The following OLFM1 variants were observed in gnomAD, a reference collection of about 807,000 sequenced individuals.
OLFM1 encodes the protein olfactomedin 1.
In OLFM1, 9 loss-of-function variants were observed where a neutral mutation model predicts 49.7. The observed-to-expected ratio is 0.18, with a 90% CI of 0.11 to 0.32. The LOEUF (loss-of-function observed/expected upper bound fraction) is 0.32. OLFM1 is among the 10% of genes least tolerant of loss of function. OLFM1 has a pLI of 1.00. For synonymous variants in OLFM1, 240 were observed against 271.8 expected, an observed-to-expected ratio of 0.88 and a Z score of 1.15; for missense variants, 369 against 661.8, an observed-to-expected ratio of 0.56 and a Z score of 4.85.
At chr9:135,104,346 C>G (rs972575385) in intron 4 of OLFM1, among the ~76,000 whole-genome samples, 2 of 152,216 alleles carry the variant, frequency 1.3e-5, no homozygotes, top group African/African-American at 4.8e-5. Context: ...CCAGCACTGA[C>G]TTGCTGCCTC....
chr9:135,108,618 G>C (rs1811566), intron 5 of OLFM1, among the ~76,000 whole-genome samples: 21,140 of 151,380 alleles, frequency 0.14, 1,616 homozygotes, highest in African/African-American at 0.17. Context: ...GGGTGATAGA[G>C]CGAGGCTCTG....
Position 135,120,405 on chromosome 9 carries a change from C to T in OLFM1, c.*227C>T, listed in dbSNP as rs999944826. ...CGTATTTGCAGCTGGAACTGCAGCC[C>T]ACGGCGCCCCGGTTTTCCTCCCCGC... On this transcript the variant is annotated 3_prime_UTR_variant, in exon 6 of 6. Coordinates refer to ENST00000371793, the MANE Select transcript of OLFM1 (RefSeq NM_001282611.2). 6 of 576,576 alleles carry T rather than the reference C, an allele frequency of 1.0e-5. No individual in the cohort carries two copies. Among genetic ancestry groups the T allele is most frequent in the African/African-American group, 9.4e-5 (5 of 53,372 alleles). The allele number at this position is 576,576 out of a possible 1,614,324, so 35.7% of individuals were successfully genotyped here. A position where few individuals can be genotyped will look rare whatever the true frequency, so the allele number is the denominator to read the frequency against.
chr9:135,075,742 C>T, exon 1 of OLFM1: 5 of 1,605,826 alleles, frequency 3.1e-6, no homozygotes, highest in South Asian at 1.1e-5. Context: ...GAGACATGCA[C>T]CCGGCCCGGA....
chr9:135,118,854 GGTCTTTGGAGTGCTCACTGT>G (rs1564282525), intron 5 of OLFM1, among the ~76,000 whole-genome samples: 60 of 121,878 alleles, frequency 4.9e-4, no homozygotes, highest in African/African-American at 1.2e-3. Context: ...GTGCTCACCG[GGTCTTTGGAGTGCTCACTGT>G]GTCTTTGGAG....
intron 5 of OLFM1, among the ~76,000 whole-genome samples, chr9:135,108,981 T>G (rs767380821): frequency 3.0e-4 from 45 of 152,124 alleles, no homozygotes; most frequent in Non-Finnish European, 5.7e-4. Flanking sequence ...CACCCCACTA[T>G]GCAGAGCAGG....
chr9:135,101,400 C>G (rs755735131), intron 4 of OLFM1, among the ~76,000 whole-genome samples: 1 of 152,206 alleles, frequency 6.6e-6, no homozygotes, highest in African/African-American at 2.4e-5. Flanking sequence ...TGATAGTTCT[C>G]TCCTTGCTGC....
At chr9:135,079,321 G>A (rs73560266) in intron 1 of OLFM1, among the ~76,000 whole-genome samples, 5,221 of 152,232 alleles carry the variant, frequency 0.034, 283 homozygotes, top group African/African-American at 0.12. Flanking sequence ...GAGCCCGGGG[G>A]AAAGAAGAAG....
At chr9:135,099,874 G>A (rs1159766227) in intron 4 of OLFM1, among the ~76,000 whole-genome samples, 3 of 152,028 alleles carry the variant, frequency 2.0e-5, no homozygotes, top group African/African-American at 7.2e-5. Context: ...AGGAGTTGGT[G>A]TGAGTGTTTG....
At chr9:135,099,313 C>A (rs1830840178) in intron 4 of OLFM1, among the ~76,000 whole-genome samples, 1 of 152,100 alleles carries the variant, frequency 6.6e-6, no homozygotes, top group Non-Finnish European at 1.5e-5. Context: ...ATACTACCTA[C>A]TTTTTAGGGT....
intron 4 of OLFM1, among the ~76,000 whole-genome samples, chr9:135,102,583 C>A (rs116920251): frequency 6.6e-6 from 1 of 152,164 alleles, no homozygotes; most frequent in Admixed American, 6.5e-5. Context: ...GAGGGTCTGC[C>A]GTGACCCTTT....
At chr9:135,112,866 G>A (rs895040237) in intron 5 of OLFM1, among the ~76,000 whole-genome samples, 93 of 152,196 alleles carry the variant, frequency 6.1e-4, no homozygotes, top group Non-Finnish European at 1.9e-4. Flanking sequence ...GGGATGAGAA[G>A]AGGCCATGGC....
In OLFM1 at chr9:135,098,349, G is replaced by A. The variant is rs1282177088; in HGVS notation, c.520G>A (p.Asp174Asn). The part of the protein sequence containing the change: ...LIPVLEEYKA[D>N]AKLVLQFKEE... The stretch of plus-strand genomic sequence containing the variant: ...ACCTGTGTTGGAAGAGTACAAGGCC[G>A]ATGCCAAATTGGTATTGCAGTTTAA... Residue 174 changes from aspartate (D) to asparagine (N), a missense_variant, in exon 4 of 6, where the codon GAT (aspartate) becomes AAT (asparagine). Asp to Asn is a conservative substitution (Grantham distance 23). Coordinates refer to ENST00000371793, the MANE Select transcript of OLFM1 (RefSeq NM_001282611.2). This position sits in a 1 kb window ranked among gnomAD's most constrained non-coding sequence, Gnocchi z 5.6. 11 of 1,613,918 alleles carry A rather than the reference G, an allele frequency of 6.8e-6. No homozygotes were observed. The highest frequency in any genetic ancestry group is 8.5e-6 in the Non-Finnish European group (10 of 1,180,024).
At position 135,104,681 on chromosome 9, in the gene OLFM1, G is replaced by A. The variant is rs12003784; in HGVS notation, c.677-2068G>A. ...ACACCAGCCTCTGGATGGCAGGGAG[G>A]GCTGGAGAGGGGCTGTGAAGGGCTT... On this transcript the variant is annotated intron_variant, in intron 4 of 5. Transcript: ENST00000371793. Among the ~76,000 whole-genome samples, 480 of 152,314 alleles carry A rather than the reference G, an allele frequency of 3.2e-3. 1 individual carries two copies. Among genetic ancestry groups the A allele is most frequent in the African/African-American group, 0.01 (426 of 41,568 alleles).
chr9:135,117,562 C>T lies in OLFM1; in HGVS notation c.784-1942C>T, dbSNP rs1256451792. Among the ~76,000 whole-genome samples the T allele has an allele frequency of 1.3e-5, 2 of 152,218 alleles. No individual in the cohort carries two copies. The highest frequency in any genetic ancestry group is 3.9e-4 in the East Asian group (2 of 5,192). ...AGCTGCCTGGGGCTGTGAGCATTTG[C>T]CCTCGGCTAGGCCAGGTGGCTGTGC... On this transcript the variant is annotated intron_variant, in intron 5 of 5. Transcript: ENST00000371793. The surrounding 1 kb of genome is among the most constrained non-coding windows in gnomAD (Gnocchi z 5.5).
rs145642936 is a variant in OLFM1, at chr9:135,080,051, G to C, written c.96+4249G>C. 4.5e-4 allele frequency among the ~76,000 whole-genome samples: 68 copies of C among 152,164 alleles called. No homozygotes were observed. Among genetic ancestry groups the C allele is most frequent in the African/African-American group, 1.5e-3 (64 of 41,522 alleles). On this transcript the variant is annotated intron_variant, in intron 1 of 5. Coordinates refer to the OLFM1 transcript ENST00000252854. The surrounding 1 kb of genome is among the most constrained non-coding windows in gnomAD (Gnocchi z 4.5). The stretch of plus-strand genomic sequence containing the variant: ...ACGAGAAGACCAGGGAGGTGATGCT[G>C]ACTTAGGCTTTCAGAGAACCCCAGT...
rs761657727 is a variant in OLFM1 at position 135,090,329 on chromosome 9, G to T, written c.285G>T (p.Arg95Ser). 1 of 1,613,968 alleles carries T rather than the reference G, an allele frequency of 6.2e-7. No individual in the cohort carries two copies. Among genetic ancestry groups the T allele is most frequent in the Admixed American group, 1.7e-5 (1 of 59,986 alleles). The change falls in exon 2 of 6, where the codon AGG becomes AGT. Residue 95 changes from arginine (R) to serine (S), a missense_variant. By Grantham distance (110) the Arg-to-Ser change is moderately radical (BLOSUM62 -1). Coordinates refer to ENST00000371793, the MANE Select transcript of OLFM1 (RefSeq NM_001282611.2). ...GGGATGCCCGCACAAAACAGCTGAG[G>T]CAGCTACTGGAGAAGGTGAGTCTGC... Reference protein sequence around the residue: ...CSRDARTKQLRQLLEKVQNMS... With the variant: ...CSRDARTKQLSQLLEKVQNMS...
At chr9:135,112,582 C>G (rs1588220778) in intron 5 of OLFM1, among the ~76,000 whole-genome samples, 2 of 152,328 alleles carry the variant, frequency 1.3e-5, no homozygotes, top group East Asian at 1.9e-4. Flanking sequence ...GGATGGCCAG[C>G]CAGCCATGCA....
chr9:135,103,207 T>C (rs777835286), intron 4 of OLFM1, among the ~76,000 whole-genome samples: 56 of 152,160 alleles, frequency 3.7e-4, no homozygotes, highest in Non-Finnish European at 6.8e-4. Context: ...TCCCCTCCTC[T>C]TCCCTCCTTG....
At chr9:135,104,879 A>C (rs539355192) in intron 4 of OLFM1, among the ~76,000 whole-genome samples, 1 of 152,270 alleles carries the variant, frequency 6.6e-6, no homozygotes, top group South Asian at 2.1e-4. Flanking sequence ...AGCGAGTTGC[A>C]CTGGGGTGAA....
Sources: allele counts gnomAD v4.1 joint callset (sites outside exome capture counted in the v4.1 genomes callset), GRCh38; gene constraint gnomAD v4.1.1; non-coding constraint Gnocchi (gnomAD v3.1); transcripts MANE v1.5; gene names NCBI Gene and HGNC (gene_info 2026-07-23, HGNC 2026-07-21).